SCARB1: variants seen among roughly 807,000 people sequenced by gnomAD.
The protein encoded by SCARB1 is scavenger receptor class B member 1.
Under a neutral mutation model 57.2 loss-of-function variants are expected in SCARB1, and 30 were observed. That is an observed-to-expected ratio of 0.52 (90% CI 0.39 to 0.71). The LOEUF (loss-of-function observed/expected upper bound fraction) is 0.71, where lower values mean the gene tolerates loss of function less well. Among genes scored for constraint, SCARB1 ranks in the 30% least tolerant of loss-of-function variants. The pLI is 0.00. For missense variants in SCARB1, 543 were observed against 671.2 expected (o/e 0.81, Z 2.11); for synonymous variants, 249 against 268.3 (o/e 0.93, Z 0.70).
chr12:124,840,121 C>G (rs1220414549), intron 1 of SCARB1: 1 of 1,218,484 alleles, frequency 8.2e-7, no homozygotes, highest in Admixed American at 2.4e-5. Flanking sequence ...CTCACTGATT[C>G]TCATTTCCCT....
At chr12:124,833,963 A>T (rs1951525537) in intron 1 of SCARB1, among the ~76,000 whole-genome samples, 1 of 152,222 alleles carries the variant, frequency 6.6e-6, no homozygotes, top group Non-Finnish European at 1.5e-5. Flanking sequence ...TGCAGCTGGG[A>T]TCTGAAAAGC....
At chr12:124,848,329 G>A (rs181208127) in intron 1 of SCARB1, among the ~76,000 whole-genome samples, 1 of 152,310 alleles carries the variant, frequency 6.6e-6, no homozygotes, top group Non-Finnish European at 1.5e-5. Flanking sequence ...TGATCCACCC[G>A]CCTCGGCCTC....
chr12:124,795,369 G>C (rs576214655), intron 8 of SCARB1, 101 bp from the exon 9 acceptor site: 1 of 912,954 alleles, frequency 1.1e-6, no homozygotes, highest in East Asian at 2.5e-5. Flanking sequence ...GGGCGTCCCA[G>C]CTAACTGCCC....
At chr12:124,853,541 C>T (rs1952514196) in intron 1 of SCARB1, among the ~76,000 whole-genome samples, 3 of 152,056 alleles carry the variant, frequency 2.0e-5, no homozygotes, top group African/African-American at 7.2e-5. Flanking sequence ...ATTACAGGCA[C>T]ATGCCACCAC....
At chr12:124,825,657 C>T (rs369613043) in intron 1 of SCARB1, among the ~76,000 whole-genome samples, 43 of 152,174 alleles carry the variant, frequency 2.8e-4, no homozygotes, top group African/African-American at 9.2e-4. Context: ...GGTGACAGAG[C>T]GAGACCCTGC....
chr12:124,847,521 C>G (rs921423631), intron 1 of SCARB1, among the ~76,000 whole-genome samples: 1 of 152,246 alleles, frequency 6.6e-6, no homozygotes, highest in Non-Finnish European at 1.5e-5. Flanking sequence ...CCCGTTTCCA[C>G]CCGACCAGCC....
At chr12:124,825,959 G>A (rs1337207634) in intron 1 of SCARB1, among the ~76,000 whole-genome samples, 1 of 151,996 alleles carries the variant, frequency 6.6e-6, no homozygotes, top group African/African-American at 2.4e-5. Flanking sequence ...TGGGATGGGT[G>A]GTCTGGAGGT....
At chr12:124,826,099 G>A (rs911745868) in intron 1 of SCARB1, among the ~76,000 whole-genome samples, 14 of 152,074 alleles carry the variant, frequency 9.2e-5, no homozygotes, top group African/African-American at 3.1e-4. Context: ...TTGGGAGGCC[G>A]AGGTGGGAGG....
intron 1 of SCARB1, among the ~76,000 whole-genome samples, chr12:124,829,685 C>T (rs1046585745): frequency 1.3e-5 from 2 of 152,202 alleles, no homozygotes; most frequent in Admixed American, 1.3e-4. Context: ...AAGTGAGCCC[C>T]TCACTTCTCA....
intron 8 of SCARB1, among the ~76,000 whole-genome samples, chr12:124,798,613 C>T (rs561494684): frequency 2.0e-5 from 3 of 152,120 alleles, no homozygotes; most frequent in South Asian, 2.1e-4. Context: ...GAGTCCGAGG[C>T]GGGTGGATCA....
chr12:124,860,145 T>TTTAG (rs1952833968), intron 1 of SCARB1, among the ~76,000 whole-genome samples: 1 of 152,068 alleles, frequency 6.6e-6, no homozygotes, highest in Admixed American at 6.6e-5. Context: ...AGAGACAGGG[T>TTTAG]TTAGCCATGT....
Position 124,782,779 on chromosome 12 carries a change from T to C in SCARB1, c.1434A>G (p.Lys478=), listed in dbSNP as rs1179056461. The change falls in exon 12 of 13, where the codon AAA becomes AAG. Residue 478 remains lysine (K), a synonymous_variant. Transcript: ENST00000261693. ...EKCYLFWSSS[K]KGSKDKEAIQ... ...TGGCCTCCTTATCCTTTGAGCCCTT[T>C]TTACTACTACTCCAAAATAAATAGC... is the stretch of plus-strand genomic sequence containing the variant. 6.2e-7 allele frequency: 1 copy of C among 1,613,824 alleles called. No individual in the cohort carries two copies. The highest frequency in any genetic ancestry group is 8.5e-7 in the Non-Finnish European group (1 of 1,179,790).
intron 1 of SCARB1, among the ~76,000 whole-genome samples, chr12:124,846,958 A>G (rs1243228608): frequency 2.0e-5 from 3 of 152,194 alleles, no homozygotes; most frequent in Non-Finnish European, 4.4e-5. Context: ...AAACCGGACC[A>G]AACTAATCCC....
At chr12:124,816,127 G>C (rs952572287) in intron 2 of SCARB1, among the ~76,000 whole-genome samples, 1 of 152,136 alleles carries the variant, frequency 6.6e-6, no homozygotes, top group Non-Finnish European at 1.5e-5. Context: ...CTTTGCAGAT[G>C]TGCTCCCGAC....
chr12:124,861,059 A>T (rs1952879623), intron 1 of SCARB1, among the ~76,000 whole-genome samples: 1 of 152,160 alleles, frequency 6.6e-6, no homozygotes, highest in Non-Finnish European at 1.5e-5. Context: ...AAATGGGGGA[A>T]ACTTTCTCTC....
intron 1 of SCARB1, among the ~76,000 whole-genome samples, chr12:124,850,827 T>C (rs10846758): frequency 0.13 from 19,114 of 152,274 alleles, 1,354 homozygotes; most frequent in South Asian, 0.19. Context: ...AATGTGGGGA[T>C]GAAGTGGGAA....
intron 1 of SCARB1, among the ~76,000 whole-genome samples, chr12:124,858,333 C>T (rs1952723564): frequency 6.6e-6 from 1 of 152,152 alleles, no homozygotes; most frequent in Admixed American, 6.5e-5. Flanking sequence ...GCCTGGTGCA[C>T]AGTAAGCTGC....
chr12:124,850,233 T>C (rs1952338179), intron 1 of SCARB1, among the ~76,000 whole-genome samples: 2 of 147,944 alleles, frequency 1.4e-5, no homozygotes, highest in South Asian at 4.3e-4. Context: ...ATTAGCCGGG[T>C]GTAGTGGTGG....
chr12:124,805,725 ATTTTTT>A (rs755476758), intron 7 of SCARB1, among the ~76,000 whole-genome samples: 8 of 79,570 alleles, frequency 1.0e-4, no homozygotes, highest in Non-Finnish European at 1.5e-4. Flanking sequence ...TGCCTAGCTA[ATTTTTT>A]TTTTTTTTTT....
Sources: allele counts gnomAD v4.1 joint callset (sites outside exome capture counted in the v4.1 genomes callset), GRCh38; gene constraint gnomAD v4.1.1; transcripts MANE v1.5; gene names NCBI Gene and HGNC (gene_info 2026-07-23, HGNC 2026-07-21).